COL4A5: variants seen among roughly 807,000 people sequenced by gnomAD.
COL4A5 encodes the protein collagen type IV alpha 5 chain, also known as collagen alpha-5(IV) chain.
In COL4A5, 26 loss-of-function variants were observed where a neutral mutation model predicts 130.2. The observed-to-expected ratio is 0.20, with a 90% confidence interval of 0.15 to 0.28. COL4A5 has a LOEUF of 0.28. COL4A5 is among the 10% of genes least tolerant of loss of function. The probability of loss-of-function intolerance (pLI) is 1.00; values close to 1 mark genes in which losing one functional copy is unlikely to be tolerated. For synonymous variants in COL4A5, 496 were observed against 439.6 expected (o/e 1.13, Z -1.60); for missense variants, 1,131 against 1,344.3 (o/e 0.84, Z 2.48).
chrX:108,508,090 G>C (rs1366199968), intron 1 of COL4A5, among the ~76,000 whole-genome samples: 1 of 111,420 alleles, frequency 9.0e-6, no homozygotes, highest in Non-Finnish European at 1.9e-5. Flanking sequence ...AAGAGAGGAA[G>C]TCAAACTATT....
At chrX:108,468,504 T>C (rs2064731487) in intron 1 of COL4A5, among the ~76,000 whole-genome samples, 1 of 109,625 alleles carries the variant, frequency 9.1e-6, no homozygotes. Context: ...CGTAAGTGTT[T>C]TTTTTTTTTT....
chrX:108,597,358 T>C lies in COL4A5; in HGVS notation c.1588-19T>C, dbSNP rs750967058. Reference sequence around the variant, plus strand: ...CTTCTTTTTCCACTCTTTTTTCTTTTTTTCCTTACTCATTTCAGGGCATTC... The same window carrying C: ...CTTCTTTTTCCACTCTTTTTTCTTTCTTTCCTTACTCATTTCAGGGCATTC... On this transcript the variant is annotated intron_variant, in intron 23 of 52. Transcript: ENST00000328300. 8.4e-7 allele frequency: 1 copy of C among 1,196,431 alleles called. No individual in the cohort carries two copies. Among genetic ancestry groups the C allele is most frequent in the African/African-American group, 1.8e-5 (1 of 56,507 alleles).
intron 1 of COL4A5, among the ~76,000 whole-genome samples, chrX:108,443,605 A>G (rs1837857254): frequency 8.9e-6 from 1 of 112,044 alleles, no homozygotes; most frequent in Admixed American, 9.5e-5. Flanking sequence ...ATATCTATAT[A>G]TGTATCTGTC....
intron 17 of COL4A5, among the ~76,000 whole-genome samples, chrX:108,583,941 G>C (rs1336310302): frequency 9.1e-6 from 1 of 109,459 alleles, no homozygotes; most frequent in African/African-American, 3.3e-5. Flanking sequence ...GCAAGCTCAT[G>C]AAAGCAATTC....
intron 21 of COL4A5, among the ~76,000 whole-genome samples, chrX:108,592,459 T>C (rs1369731103): frequency 9.0e-6 from 1 of 111,014 alleles, no homozygotes; most frequent in African/African-American, 3.3e-5. Flanking sequence ...CAGCTGTTTC[T>C]CTATTTTTCT....
intron 1 of COL4A5, among the ~76,000 whole-genome samples, chrX:108,489,795 G>A (rs754752997): frequency 1.1e-4 from 12 of 111,401 alleles, no homozygotes; most frequent in Non-Finnish European, 2.1e-4. Context: ...CTTTAGTGCG[G>A]GATGTTATTT....
chrX:108,443,129 G>C (rs766090995), intron 1 of COL4A5: 1 of 111,670 alleles, frequency 9.0e-6, no homozygotes, highest in Non-Finnish European at 1.9e-5. Context: ...ATGATAATGG[G>C]GGTTACATGT....
intron 19 of COL4A5, 61 bp from the exon 20 acceptor site, chrX:108,590,997 A>T: frequency 9.9e-7 from 1 of 1,009,952 alleles, no homozygotes. Context: ...CTAATGTCTC[A>T]ATGAGAACTA....
rs778009246 is a variant in COL4A5 at position 108,636,254 on chromosome X, C to A, written c.3246+9905C>A. ...TGGATTACTGACCTAAATATAAGAA[C>A]TAAACCATAAACATATTAGGATAAA... On this transcript the variant is annotated intron_variant, in intron 36 of 52. Transcript: ENST00000328300. Among the ~76,000 whole-genome samples the A allele has an allele frequency of 2.7e-5, 3 of 111,871 alleles. No homozygotes were observed. The South Asian group carries it at 1.1e-3, about 42-fold the overall frequency.
chrX:108,511,733 C>T (rs1267782525), intron 1 of COL4A5, among the ~76,000 whole-genome samples: 1 of 111,823 alleles, frequency 8.9e-6, no homozygotes, highest in African/African-American at 3.2e-5. Context: ...ACAAATGGTG[C>T]TGGGAAAACT....
intron 36 of COL4A5, among the ~76,000 whole-genome samples, chrX:108,632,057 T>TC (rs2067271090): frequency 9.1e-6 from 1 of 110,271 alleles, no homozygotes; most frequent in African/African-American, 3.3e-5. Context: ...TTTGAAAACA[T>TC]CAACAACATT....
At chrX:108,563,037 G>A (rs1300029637) in intron 3 of COL4A5, among the ~76,000 whole-genome samples, 1 of 110,761 alleles carries the variant, frequency 9.0e-6, no homozygotes, top group African/African-American at 3.3e-5. Context: ...AATATATACA[G>A]AACCTCCTCA....
chrX:108,566,706 G>A (rs2065978974), intron 4 of COL4A5, among the ~76,000 whole-genome samples: 1 of 110,095 alleles, frequency 9.1e-6, no homozygotes, highest in African/African-American at 3.3e-5. Flanking sequence ...CCACCACAAC[G>A]CCCGGCTAAT....
intron 42 of COL4A5, among the ~76,000 whole-genome samples, chrX:108,672,119 T>C (rs1397914420): frequency 8.9e-6 from 1 of 111,920 alleles, no homozygotes; most frequent in East Asian, 2.8e-4. Context: ...CGTCAACACC[T>C]CCATCAACCA....
chrX:108,615,178 G>A (rs1385789137), intron 30 of COL4A5, among the ~76,000 whole-genome samples, 154 bp downstream of exon 30: 1 of 112,352 alleles, frequency 8.9e-6, no homozygotes, highest in Non-Finnish European at 1.9e-5. Flanking sequence ...ATAAGTACAA[G>A]CCACAGCATA....
rs2068745566 is a variant in COL4A5, at chrX:108,696,976, G to A, written c.*598G>A. 1 of 111,683 alleles carries A rather than the reference G, an allele frequency of 9.0e-6. No individual in the cohort carries two copies. The highest frequency in any genetic ancestry group is 1.9e-5 in the Non-Finnish European group (1 of 53,124). The allele number at this position is 111,683 out of a possible 1,213,427, so 9.2% of individuals were successfully genotyped here. A position where few individuals can be genotyped will look rare whatever the true frequency, so the allele number is the denominator to read the frequency against. On this transcript the variant is annotated 3_prime_UTR_variant, in exon 53 of 53. Transcript: ENST00000328300. The stretch of plus-strand genomic sequence containing the variant: ...ATATTTTATATTCATGTTTATCAAA[G>A]TGAGAGGACTTATATTCCTACATCA...
rs764068730 is a variant in COL4A5, at chrX:108,568,748, G to A, written c.322-11G>A. 26 of 1,206,831 alleles carry A rather than the reference G, an allele frequency of 2.2e-5. No individual in the cohort carries two copies. Among genetic ancestry groups the A allele is most frequent in the South Asian group, 8.8e-5 (5 of 56,676 alleles). ...AGACATATTATACATGTGTTATGTC[G>A]CTTTTCAAAGGGAATGCCAGGCCAC... On this transcript the variant is annotated splice_polypyrimidine_tract_variant and intron_variant, in intron 5 of 52. Coordinates refer to ENST00000328300, the MANE Select transcript of COL4A5 (RefSeq NM_033380.3).
At chrX:108,562,759 T>A (rs905017360) in intron 3 of COL4A5, among the ~76,000 whole-genome samples, 2 of 111,804 alleles carry the variant, frequency 1.8e-5, no homozygotes, top group African/African-American at 6.5e-5. Context: ...AAAAAACTTG[T>A]AGGAGTATTC....
chrX:108,443,049 T>C (rs1479871747), intron 1 of COL4A5: 1 of 111,751 alleles, frequency 8.9e-6, no homozygotes, highest in Non-Finnish European at 1.9e-5. Context: ...ATGTGGTCTA[T>C]AGAGATTTAC....
Sources: gnomAD v4.1 joint callset for allele counts (sites outside exome capture counted in the v4.1 genomes callset) on GRCh38, gnomAD v4.1.1 for gene constraint, MANE v1.5 for transcripts, NCBI Gene and HGNC (gene_info 2026-07-23, HGNC 2026-07-21) for gene names.